MAMDC2: variants seen among roughly 807,000 people sequenced by gnomAD.
MAMDC2 encodes MAM domain-containing protein 2.
In MAMDC2, 57 loss-of-function variants were observed where a neutral mutation model predicts 89.8. That is an observed-to-expected ratio of 0.63 (90% CI 0.51 to 0.79). The LOEUF (loss-of-function observed/expected upper bound fraction) is 0.79, where lower values mean the gene tolerates loss of function less well. Among genes scored for constraint, MAMDC2 ranks in the 30% least tolerant of loss-of-function variants. The probability of loss-of-function intolerance (pLI) is 0.00; values close to 1 mark genes in which losing one functional copy is unlikely to be tolerated. For missense variants in MAMDC2, 800 were observed against 820.6 expected (o/e 0.97, Z 0.31); for synonymous variants, 313 against 293.4 (o/e 1.07, Z -0.68).
rs73458477 is a variant in MAMDC2, at chr9:70,043,865, C to A, written c.-333C>A. On this transcript the variant is annotated 5_prime_UTR_variant, in exon 1 of 14. Transcript: ENST00000377182. Reference sequence around the variant, plus strand: ...TGCGGGCCGACCTCTCCTCTCCCAGCCAGTCGTGGCTGGCCTTTCAAAGTG... The same window carrying A: ...TGCGGGCCGACCTCTCCTCTCCCAGACAGTCGTGGCTGGCCTTTCAAAGTG... 3.0e-4 allele frequency: 120 copies of A among 402,574 alleles called. No individual in the cohort carries two copies. The highest frequency in any genetic ancestry group is 1.4e-3 in the African/African-American group (70 of 49,408). The allele number at this position is 402,574 out of a possible 1,614,324, so 24.9% of individuals were successfully genotyped here.
chr9:70,208,174 C>A (rs1455137077), intron 11 of MAMDC2, among the ~76,000 whole-genome samples: 5 of 152,186 alleles, frequency 3.3e-5, no homozygotes, highest in Non-Finnish European at 7.3e-5. Flanking sequence ...TGAAGAAAGT[C>A]ATTGGTAGCT....
At chr9:70,138,489 T>C (rs1029994164) in intron 7 of MAMDC2, among the ~76,000 whole-genome samples, 3 of 152,196 alleles carry the variant, frequency 2.0e-5, no homozygotes, top group African/African-American at 7.2e-5. Flanking sequence ...CCACACTGTT[T>C]TCCATAGTGG....
At chr9:70,187,537 TTATCAC>T (rs2032783402) in intron 11 of MAMDC2, among the ~76,000 whole-genome samples, 1 of 152,148 alleles carries the variant, frequency 6.6e-6, no homozygotes, top group Admixed American at 6.6e-5. Context: ...TGTGTAATGC[TTATCAC>T]TATCTAATTC....
intron 11 of MAMDC2, among the ~76,000 whole-genome samples, chr9:70,205,332 T>G (rs1381171741): frequency 1.3e-5 from 2 of 152,184 alleles, no homozygotes; most frequent in East Asian, 3.8e-4. Flanking sequence ...AACTCCTCAT[T>G]TATGACAGCC....
At chr9:70,105,112 C>G (rs931217681) in intron 2 of MAMDC2, among the ~76,000 whole-genome samples, 5 of 151,992 alleles carry the variant, frequency 3.3e-5, no homozygotes, top group African/African-American at 1.2e-4. Flanking sequence ...AGTGACAAGG[C>G]AGGGAAAGGC....
At chr9:70,189,174 C>A (rs558486206) in intron 11 of MAMDC2, among the ~76,000 whole-genome samples, 1 of 152,094 alleles carries the variant, frequency 6.6e-6, no homozygotes, top group Non-Finnish European at 1.5e-5. Flanking sequence ...TTTCTTCATA[C>A]AAGTTTGAGT....
At chr9:70,054,195 G>A (rs1826976051) in intron 2 of MAMDC2, among the ~76,000 whole-genome samples, 1 of 152,124 alleles carries the variant, frequency 6.6e-6, no homozygotes. Flanking sequence ...GCAGGAGTAT[G>A]GGAACCTTTA....
In MAMDC2 at chr9:70,214,859, G is replaced by A. The variant is rs557797272; in HGVS notation, c.1652-3478G>A. ...CGACTCACAGGTTTTGGGTGTCAAC[G>A]ACTGGATATTTAGTCTACTTCAGGC... On this transcript the variant is annotated intron_variant, in intron 11 of 13. Coordinates refer to ENST00000377182, the MANE Select transcript of MAMDC2 (RefSeq NM_153267.5). Among the ~76,000 whole-genome samples, 28 of 152,270 alleles carry A rather than the reference G, an allele frequency of 1.8e-4. No individual in the cohort carries two copies. The South Asian group carries it at 3.9e-3, about 21-fold the overall frequency.
intron 2 of MAMDC2, among the ~76,000 whole-genome samples, chr9:70,099,606 C>A (rs1021424654): frequency 1.3e-5 from 2 of 152,090 alleles, no homozygotes; most frequent in Non-Finnish European, 2.9e-5. Context: ...AGCAGTAGAG[C>A]AGGCACTAGG....
At chr9:70,164,792 C>T (rs570419461) in intron 9 of MAMDC2, among the ~76,000 whole-genome samples, 5 of 151,736 alleles carry the variant, frequency 3.3e-5, no homozygotes, top group South Asian at 4.1e-4. Context: ...GGACTACAAG[C>T]GCACACAGCT....
intron 11 of MAMDC2, among the ~76,000 whole-genome samples, chr9:70,208,545 G>A (rs545759568): frequency 6.6e-6 from 1 of 152,116 alleles, no homozygotes; most frequent in Non-Finnish European, 1.5e-5. Context: ...TGAGATGATG[G>A]GGTTTTCTAA....
chr9:70,207,991 A>G (rs1376160712), intron 11 of MAMDC2, among the ~76,000 whole-genome samples: 1 of 152,018 alleles, frequency 6.6e-6, no homozygotes, highest in South Asian at 2.1e-4. Flanking sequence ...ATTGGTCTAT[A>G]TCTCTGTTTT....
chr9:70,101,474 C>G (rs938871491), intron 2 of MAMDC2, among the ~76,000 whole-genome samples: 1 of 152,160 alleles, frequency 6.6e-6, no homozygotes, highest in Non-Finnish European at 1.5e-5. Flanking sequence ...CACTGACTCA[C>G]CCACACCACT....
chr9:70,164,733 C>G (rs1170567424), intron 9 of MAMDC2, among the ~76,000 whole-genome samples: 5 of 151,820 alleles, frequency 3.3e-5, no homozygotes, highest in Admixed American at 1.3e-4. Flanking sequence ...ACTGCAGGCT[C>G]CAACTCCTGG....
In MAMDC2 at chr9:70,062,857, A is replaced by AT. The variant is rs1006440939; in HGVS notation, c.148+18167dup. Reference sequence around the variant, plus strand: ...ACTTAGCAGTTTTCAGCAAAAACGGATTTTTTTATTCATTCAACAAGTATC... The same window carrying AT: ...ACTTAGCAGTTTTCAGCAAAAACGGATTTTTTTTATTCATTCAACAAGTATC... On this transcript the variant is annotated intron_variant, in intron 2 of 13. Transcript: ENST00000377182. 27 of 152,202 alleles carry AT rather than the reference A, an allele frequency of 1.8e-4. 1 individual carries two copies. Among genetic ancestry groups the AT allele is most frequent in the African/African-American group, 6.5e-4 (27 of 41,464 alleles). The allele number at this position is 152,202 out of a possible 1,614,324, so 9.4% of individuals were successfully genotyped here.
At chr9:70,051,744 A>G (rs1826901085) in intron 2 of MAMDC2, among the ~76,000 whole-genome samples, 1 of 152,188 alleles carries the variant, frequency 6.6e-6, no homozygotes, top group South Asian at 2.1e-4. Flanking sequence ...TCTAACAACT[A>G]TCCCAGCACT....
At chr9:70,204,391 C>T (rs1409627587) in intron 11 of MAMDC2, among the ~76,000 whole-genome samples, 69 of 151,800 alleles carry the variant, frequency 4.5e-4, no homozygotes, top group Non-Finnish European at 8.8e-4. Flanking sequence ...CAGGGACCCA[C>T]TTGAGGAGGC....
intron 11 of MAMDC2, among the ~76,000 whole-genome samples, chr9:70,214,460 A>C (rs572129799): frequency 6.6e-6 from 1 of 152,368 alleles, no homozygotes; most frequent in South Asian, 2.1e-4. Context: ...AGTAGGAATG[A>C]GACAGGTAAG....
chr9:70,085,343 G>A (rs1009113752), intron 2 of MAMDC2, among the ~76,000 whole-genome samples: 12 of 151,972 alleles, frequency 7.9e-5, no homozygotes, highest in African/African-American at 2.7e-4. Context: ...ATTCCATCAA[G>A]GGGTGGTGCC....
Sources: allele counts gnomAD v4.1 joint callset (sites outside exome capture counted in the v4.1 genomes callset), GRCh38; gene constraint gnomAD v4.1.1; transcripts MANE v1.5; gene names NCBI Gene and HGNC (gene_info 2026-07-23, HGNC 2026-07-21).